ZNF423: variants seen among roughly 807,000 people sequenced by gnomAD.
ZNF423 encodes the protein zinc finger protein 423, also known as Ebf-associated zinc finger protein.
ZNF423 carries 12 observed loss-of-function variants against 95.8 expected under a neutral mutation model. The observed-to-expected ratio is 0.13, with a 90% confidence interval of 0.08 to 0.20. The LOEUF (loss-of-function observed/expected upper bound fraction) is 0.20. Ranked by LOEUF, ZNF423 falls within the 10% of genes least tolerant of loss-of-function variation. The pLI, the probability that ZNF423 is intolerant of heterozygous loss-of-function variation, is 1.00. For synonymous variants in ZNF423, 749 were observed against 711.9 expected (o/e 1.05, Z -0.83); for missense variants, 1,316 against 1,737.1 (o/e 0.76, Z 4.31).
intron 1 of ZNF423, among the ~76,000 whole-genome samples, chr16:49,791,763 AG>A (rs1319863365): frequency 6.6e-6 from 1 of 152,200 alleles, no homozygotes; most frequent in African/African-American, 2.4e-5. Flanking sequence ...GCACTTTGGG[AG>A]GCCAAGGCAA....
In ZNF423 at chr16:49,525,238, G is replaced by A. The variant is rs753793146; in HGVS notation, c.3733+125C>T. On this transcript the variant is annotated intron_variant, in intron 6 of 7. Transcript: ENST00000563137. ...GTTAATCCCTCAGGGTATCCCCAAC[G>A]GAGTCCTGGTCTATAACAGGCCTGC... 9.5e-5 allele frequency: 134 copies of A among 1,405,700 alleles called. 1 individual carries two copies. The highest frequency in any genetic ancestry group is 1.2e-4 in the Non-Finnish European group (128 of 1,034,824). 87.1% of individuals were successfully genotyped at this position (1,405,700 alleles called of 1,614,324 possible).
intron 2 of ZNF423, among the ~76,000 whole-genome samples, chr16:49,765,367 C>T (rs1266132058): frequency 1.3e-5 from 2 of 152,100 alleles, no homozygotes; most frequent in East Asian, 3.9e-4. Context: ...GAACTGCACA[C>T]ATAAATGGTT....
chr16:49,813,369 C>T (rs1484196670), intron 1 of ZNF423, among the ~76,000 whole-genome samples: 1 of 152,156 alleles, frequency 6.6e-6, no homozygotes, highest in Admixed American at 6.5e-5. Context: ...GCCAAGCAGA[C>T]ATGTTCATCC....
At chr16:49,545,715 C>T (rs752189199) in intron 5 of ZNF423, among the ~76,000 whole-genome samples, 1 of 152,202 alleles carries the variant, frequency 6.6e-6, no homozygotes, top group Non-Finnish European at 1.5e-5. Flanking sequence ...AGCCACAGTT[C>T]TGTCTCCCAA....
chr16:49,574,883 C>T (rs1233716949), intron 5 of ZNF423, among the ~76,000 whole-genome samples: 1 of 152,182 alleles, frequency 6.6e-6, no homozygotes, highest in Non-Finnish European at 1.5e-5. Context: ...TAACTGAACT[C>T]CCTTCAAAAC....
chr16:49,836,096 C>G (rs142710562), intron 1 of ZNF423, among the ~76,000 whole-genome samples: 1,786 of 152,306 alleles, frequency 0.012, 11 homozygotes, highest in Non-Finnish European at 0.016. Flanking sequence ...GGGGAAAACA[C>G]AGTAGAAAGG....
intron 4 of ZNF423, among the ~76,000 whole-genome samples, chr16:49,634,540 C>T (rs1002635799): frequency 9.9e-5 from 15 of 152,072 alleles, no homozygotes; most frequent in Non-Finnish European, 2.1e-4. Flanking sequence ...CCTCCTCACC[C>T]CCTCAAAATC....
At chr16:49,680,257 G>T (rs550642240) in intron 3 of ZNF423, among the ~76,000 whole-genome samples, 1 of 152,204 alleles carries the variant, frequency 6.6e-6, no homozygotes, top group South Asian at 2.1e-4. Flanking sequence ...CTTGTTGGGC[G>T]ACCTGCCCAT....
intron 5 of ZNF423, among the ~76,000 whole-genome samples, chr16:49,548,196 A>C (rs1969506096): frequency 6.6e-6 from 1 of 152,130 alleles, no homozygotes; most frequent in African/African-American, 2.4e-5. Flanking sequence ...TGGTCTGAGC[A>C]TTCTTCAGAA....
chr16:49,707,689 C>T (rs2032400425), intron 3 of ZNF423, among the ~76,000 whole-genome samples: 1 of 150,702 alleles, frequency 6.6e-6, no homozygotes, highest in Admixed American at 6.6e-5. Context: ...TATAAAATAA[C>T]TATAAAGAAG....
intron 1 of ZNF423, among the ~76,000 whole-genome samples, chr16:49,837,267 C>T (rs1227117813): frequency 6.6e-6 from 1 of 152,180 alleles, no homozygotes; most frequent in African/African-American, 2.4e-5. Context: ...CAGCTGGACA[C>T]AGGCCCTGCT....
intron 5 of ZNF423, among the ~76,000 whole-genome samples, chr16:49,550,413 T>G (rs1292036445): frequency 3.3e-5 from 5 of 152,254 alleles, no homozygotes; most frequent in Admixed American, 3.3e-4. Context: ...ATTTCATGAT[T>G]TGCTAATGGG....
chr16:49,739,741 G>A (rs781014813), intron 2 of ZNF423, among the ~76,000 whole-genome samples: 8 of 143,530 alleles, frequency 5.6e-5, no homozygotes, highest in East Asian at 2.1e-4. Flanking sequence ...GTCTGTCACC[G>A]AGGGTGGAGT....
intron 5 of ZNF423, among the ~76,000 whole-genome samples, chr16:49,607,094 A>T (rs1471678189): frequency 6.8e-6 from 1 of 147,396 alleles, no homozygotes; most frequent in Non-Finnish European, 1.5e-5. Context: ...TTTGTAAAAC[A>T]GATCTTGACA....
At chr16:49,491,797 C>A (rs1031346730) in intron 7 of ZNF423, among the ~76,000 whole-genome samples, 1 of 152,146 alleles carries the variant, frequency 6.6e-6, no homozygotes, top group African/African-American at 2.4e-5. Context: ...TGCAGCTCTC[C>A]GGCCAAGAAA....
In ZNF423 at chr16:49,637,282, C is replaced by G. The variant is rs369619436; in HGVS notation, c.1894G>C (p.Ala632Pro). 12 of 1,614,056 alleles carry G rather than the reference C, an allele frequency of 7.4e-6. No homozygotes were observed. The highest frequency in any genetic ancestry group is 6.7e-5 in the Admixed American group (4 of 60,006). ...TACTCCCCATTGGAGATGGAGTTGGCGCTTGCTGAGAGCCGCTGCCGCTTC... is the reference window on the plus strand; with the variant it reads ...TACTCCCCATTGGAGATGGAGTTGGGGCTTGCTGAGAGCCGCTGCCGCTTC... ...SPKRQRLSAS[A>P]NSISNGEYPC... is the part of the protein sequence containing the mutation. Residue 632 changes from alanine to proline, a missense_variant, in exon 4 of 8, where the codon GCC becomes CCC. This residue lies in a region of ZNF423 where 620 missense variants were observed against 775.6 expected (regional missense o/e 0.80). Coordinates refer to ENST00000563137, the MANE Select transcript of ZNF423 (RefSeq NM_001379286.1). The surrounding 1 kb of genome is among the most constrained non-coding windows in gnomAD (Gnocchi z 5.6).
chr16:49,520,137 C>T (rs896566945), intron 7 of ZNF423, among the ~76,000 whole-genome samples: 1 of 152,158 alleles, frequency 6.6e-6, no homozygotes, highest in African/African-American at 2.4e-5. Flanking sequence ...ATGCAGACCC[C>T]GTGGGTATTT....
At chr16:49,813,729 C>G (rs988502973) in intron 1 of ZNF423, among the ~76,000 whole-genome samples, 4 of 152,204 alleles carry the variant, frequency 2.6e-5, no homozygotes, top group African/African-American at 9.7e-5. Context: ...TTAAGTTGTC[C>G]AGAGTTGGCT....
rs60857346 is a variant in ZNF423 at position 49,513,207 on chromosome 16, C to T, written c.3849+10417G>A. 6.0e-3 allele frequency among the ~76,000 whole-genome samples: 920 copies of T among 152,312 alleles called. 13 individuals carry two copies. Among genetic ancestry groups the T allele is most frequent in the African/African-American group, 0.02 (815 of 41,560 alleles). Reference sequence around the variant, plus strand: ...TGGCCTCACAAGTGGCTGACTCCAGCGTGAGCAACAGGTTCTCACTCCCTG... The same window carrying T: ...TGGCCTCACAAGTGGCTGACTCCAGTGTGAGCAACAGGTTCTCACTCCCTG... On this transcript the variant is annotated intron_variant, in intron 7 of 7. Transcript: ENST00000563137.
Sources: gnomAD v4.1 joint callset for allele counts (sites outside exome capture counted in the v4.1 genomes callset) on GRCh38, gnomAD v4.1.1 for gene constraint, gnomAD v4.1.1 regional missense constraint, Gnocchi (gnomAD v3.1) non-coding constraint, MANE v1.5 for transcripts, NCBI Gene and HGNC (gene_info 2026-07-23, HGNC 2026-07-21) for gene names.